FMN1: variants seen among roughly 807,000 people sequenced by gnomAD.
FMN1 encodes the protein formin 1.
In FMN1, 110 loss-of-function variants were observed where a neutral mutation model predicts 132.4. That is an observed-to-expected ratio of 0.83 (90% CI 0.71 to 0.97). FMN1 has a LOEUF of 0.97. Among genes scored for constraint, FMN1 ranks in the 50% least tolerant of loss-of-function variants. FMN1 has a pLI of 0.00. For synonymous variants in FMN1, 722 were observed against 651.7 expected, an observed-to-expected ratio of 1.11 and a Z score of -1.64; for missense variants, 1,792 against 1,705.3, an observed-to-expected ratio of 1.05 and a Z score of -0.90.
chr15:33,125,280 A>T (rs1025991582), intron 4 of FMN1, among the ~76,000 whole-genome samples: 1 of 152,200 alleles, frequency 6.6e-6, no homozygotes, highest in Non-Finnish European at 1.5e-5. Context: ...GTTTAGAGAT[A>T]ATACATAGAA....
intron 9 of FMN1, among the ~76,000 whole-genome samples, chr15:32,955,786 A>C (rs975983731): frequency 6.6e-6 from 1 of 151,318 alleles, no homozygotes; most frequent in African/African-American, 2.5e-5. Flanking sequence ...GATATGGAAG[A>C]TTTTAAAGAT....
intron 4 of FMN1, chr15:33,151,151 G>C: frequency 6.9e-7 from 1 of 1,458,134 alleles, no homozygotes; most frequent in Non-Finnish European, 9.0e-7. Context: ...ACTATCTGGG[G>C]AACTCCCTCC....
Position 32,964,537 on chromosome 15 carries a change from T to C in FMN1, c.2988-280A>G, listed in dbSNP as rs1170995073. On this transcript the variant is annotated intron_variant, in intron 8 of 20. Transcript: ENST00000616417. ...AGAAACTCCTTAGGACTAGAAATCC[T>C]GGGATTCGGATTCCTGGGGGCACCC... Among the ~76,000 whole-genome samples the C allele has an allele frequency of 2.6e-5, 4 of 152,226 alleles. No homozygotes were observed. The East Asian group carries it at 5.8e-4, about 22-fold the overall frequency.
chr15:33,091,294 T>C (rs1009949085), intron 4 of FMN1, among the ~76,000 whole-genome samples: 3 of 152,160 alleles, frequency 2.0e-5, no homozygotes, highest in Admixed American at 2.0e-4. Context: ...TGCATATTTA[T>C]GCAAACACAC....
intron 7 of FMN1, among the ~76,000 whole-genome samples, chr15:32,989,481 T>C (rs531870965): frequency 6.6e-6 from 1 of 152,076 alleles, no homozygotes; most frequent in East Asian, 1.9e-4. Context: ...GGAGGGAAAG[T>C]GTAGGGAAAT....
At chr15:33,067,341 C>T in intron 5 of FMN1, 1 of 1,613,980 alleles carries the variant, frequency 6.2e-7, no homozygotes, top group South Asian at 1.1e-5. Context: ...CCTGGGTTTT[C>T]TTTGGACTCC....
At chr15:32,978,870 C>T (rs1380393956) in intron 7 of FMN1, among the ~76,000 whole-genome samples, 2 of 152,072 alleles carry the variant, frequency 1.3e-5, no homozygotes, top group East Asian at 1.9e-4. Flanking sequence ...ACATTTAGTA[C>T]ATGTCTTAAA....
intron 6 of FMN1, among the ~76,000 whole-genome samples, chr15:33,041,187 G>A (rs345890): frequency 0.57 from 86,614 of 151,280 alleles, 25,076 homozygotes; most frequent in Admixed American, 0.64. Context: ...AAATATACCA[G>A]TAATTAAATA....
At chr15:33,081,886 AC>A (rs2038475335) in intron 5 of FMN1, among the ~76,000 whole-genome samples, 1 of 152,224 alleles carries the variant, frequency 6.6e-6, no homozygotes, top group Admixed American at 6.5e-5. Context: ...TTCATAAGAT[AC>A]AATTACTTGG....
At chr15:33,042,813 C>T (rs1251921021) in intron 6 of FMN1, among the ~76,000 whole-genome samples, 16 of 151,094 alleles carry the variant, frequency 1.1e-4, no homozygotes, top group Admixed American at 1.1e-3. Flanking sequence ...CCCTGAGGCA[C>T]AAAAGGGAAT....
At chr15:33,193,495 A>T (rs1966152890) in intron 2 of FMN1, among the ~76,000 whole-genome samples, 1 of 152,144 alleles carries the variant, frequency 6.6e-6, no homozygotes, top group South Asian at 2.1e-4. Context: ...ATATGCAAAC[A>T]TGAATAGTAA....
At chr15:33,141,445 C>T (rs367930832) in intron 4 of FMN1, among the ~76,000 whole-genome samples, 4 of 152,062 alleles carry the variant, frequency 2.6e-5, no homozygotes, top group Non-Finnish European at 5.9e-5. Context: ...GGTAACATAA[C>T]GTCACCCATC....
At chr15:33,050,824 A>G (rs1482676083) in intron 6 of FMN1, among the ~76,000 whole-genome samples, 1 of 152,244 alleles carries the variant, frequency 6.6e-6, no homozygotes, top group African/African-American at 2.4e-5. Flanking sequence ...GTTCATTACT[A>G]CAGGCATAGG....
intron 17 of FMN1, among the ~76,000 whole-genome samples, chr15:32,814,661 G>A (rs562994067): frequency 6.6e-6 from 1 of 152,320 alleles, no homozygotes; most frequent in Non-Finnish European, 1.5e-5. Flanking sequence ...GTGATAAATT[G>A]CAGGTATTCT....
At chr15:33,126,503 ACTC>A (rs944823655) in intron 4 of FMN1, among the ~76,000 whole-genome samples, 1 of 152,096 alleles carries the variant, frequency 6.6e-6, no homozygotes, top group Non-Finnish European at 1.5e-5. Context: ...CTCTACATCT[ACTC>A]CTCTTATTCG....
intron 2 of FMN1, among the ~76,000 whole-genome samples, chr15:33,191,452 G>T (rs117347188): frequency 0.014 from 2,067 of 152,304 alleles, 64 homozygotes; most frequent in East Asian, 0.12. Context: ...GTCATTTCAG[G>T]CCAGTGGGGA....
rs1230096976 is a variant in FMN1, at chr15:32,767,645, GTTC to G, written c.*6662_*6664del. ...TTTTAGATTGGTTCTTTAAAGGGAAGTTCTTTTTATTAATGCATACTCTCTTTG... is the reference window on the plus strand; with the variant it reads ...TTTTAGATTGGTTCTTTAAAGGGAAGTTTTTATTAATGCATACTCTCTTTG... On this transcript the variant is annotated 3_prime_UTR_variant, in exon 21 of 21. Coordinates refer to ENST00000616417, the MANE Select transcript of FMN1 (RefSeq NM_001277313.2). The G allele has an allele frequency of 6.6e-6, 1 of 152,174 alleles. No homozygotes were observed. The highest frequency in any genetic ancestry group is 1.5e-5 in the Non-Finnish European group (1 of 68,030). The allele number at this position is 152,174 out of a possible 1,614,324, so 9.4% of individuals were successfully genotyped here.
chr15:32,974,869 A>G (rs757158032), intron 7 of FMN1, among the ~76,000 whole-genome samples: 4 of 152,238 alleles, frequency 2.6e-5, no homozygotes, highest in Non-Finnish European at 5.9e-5. Flanking sequence ...TGATTGCCCA[A>G]TAAAGGGAAT....
chr15:32,947,634 A>G (rs181839451), intron 9 of FMN1, among the ~76,000 whole-genome samples: 138 of 152,176 alleles, frequency 9.1e-4, no homozygotes, highest in African/African-American at 3.0e-3. Context: ...TGGCTTTCCC[A>G]TTCATGAAGA....
Sources: gnomAD v4.1 joint callset for allele counts (sites outside exome capture counted in the v4.1 genomes callset) on GRCh38, gnomAD v4.1.1 for gene constraint, MANE v1.5 for transcripts, NCBI Gene and HGNC (gene_info 2026-07-23, HGNC 2026-07-21) for gene names.